Variants in B3GNT2 observed in about 807,000 individuals in gnomAD.
The protein encoded by B3GNT2 is N-acetyllactosaminide beta-1,3-N-acetylglucosaminyltransferase 2.
Under a neutral mutation model 27.6 loss-of-function variants are expected in B3GNT2, and 12 were observed. The ratio of observed to expected loss-of-function variants is 0.44; its 90% confidence interval spans 0.28 to 0.71. The LOEUF (loss-of-function observed/expected upper bound fraction) is 0.71, where lower values mean the gene tolerates loss of function less well. Ranked by LOEUF, B3GNT2 falls within the 30% of genes least tolerant of loss-of-function variation. The pLI, the probability that B3GNT2 is intolerant of heterozygous loss-of-function variation, is 0.17. For synonymous variants in B3GNT2, 192 were observed against 189.7 expected, an observed-to-expected ratio of 1.01 and a Z score of -0.10; for missense variants, 413 against 488.5, an observed-to-expected ratio of 0.85 and a Z score of 1.46.
chr2:62,207,075 T>C (rs941076743), intron 1 of B3GNT2, among the ~76,000 whole-genome samples: 7 of 152,244 alleles, frequency 4.6e-5, no homozygotes, highest in Non-Finnish European at 8.8e-5. Flanking sequence ...AGTTGCAGCA[T>C]GTTCAATGCT....
intron 1 of B3GNT2, among the ~76,000 whole-genome samples, chr2:62,196,932 G>A (rs1270268755): frequency 6.6e-6 from 1 of 151,914 alleles, no homozygotes; most frequent in Admixed American, 6.5e-5. Context: ...GCCGGCAGCC[G>A]CTCCCCACCC....
intron 1 of B3GNT2, among the ~76,000 whole-genome samples, chr2:62,208,200 C>G (rs1037771933): frequency 6.6e-6 from 1 of 151,312 alleles, no homozygotes; most frequent in Non-Finnish European, 1.5e-5. Flanking sequence ...ACAACAGATT[C>G]CTCCTTCCTT....
At chr2:62,198,964 G>C (rs1674210659) in intron 1 of B3GNT2, among the ~76,000 whole-genome samples, 3 of 151,062 alleles carry the variant, frequency 2.0e-5, no homozygotes, top group Admixed American at 6.6e-5. Flanking sequence ...TTTTTGAAAT[G>C]GAGTCTCACT....
chr2:62,222,109 CTT>C lies in B3GNT2; in HGVS notation c.-9-101_-9-100del, dbSNP rs751809982. The C allele has an allele frequency of 9.2e-5, 97 of 1,058,134 alleles. No homozygotes were observed. The highest frequency in any genetic ancestry group is 1.2e-4 in the Non-Finnish European group (91 of 739,040). 65.5% of individuals were successfully genotyped at this position (1,058,134 alleles called of 1,614,324 possible). ...AACCTAGGCAGTGCAAGTGTAGAGT[CTT>C]TGCTGTAAACCACTATTCCTGGGGA... On this transcript the variant is annotated intron_variant, in intron 1 of 1. Transcript: ENST00000301998. This position sits in a 1 kb window ranked among gnomAD's most constrained non-coding sequence, Gnocchi z 4.2.
intron 1 of B3GNT2, among the ~76,000 whole-genome samples, chr2:62,203,220 A>G (rs1335379598): frequency 1.3e-5 from 2 of 152,160 alleles, no homozygotes; most frequent in African/African-American, 4.8e-5. Context: ...GGATAGTACA[A>G]GATTGAAATA....
chr2:62,217,800 T>A (rs747123704), intron 1 of B3GNT2, among the ~76,000 whole-genome samples: 1 of 152,382 alleles, frequency 6.6e-6, no homozygotes, highest in Middle Eastern at 3.4e-3. Flanking sequence ...GTATTTTATC[T>A]AGATTGTCAC....
chr2:62,198,987 C>A (rs1162685909), intron 1 of B3GNT2, among the ~76,000 whole-genome samples: 1 of 152,090 alleles, frequency 6.6e-6, no homozygotes, highest in Non-Finnish European at 1.5e-5. Context: ...CCCGCCCAGG[C>A]TGGAGTGCAG....
chr2:62,221,268 A>G (rs775080111), intron 1 of B3GNT2, among the ~76,000 whole-genome samples: 1 of 152,220 alleles, frequency 6.6e-6, no homozygotes, highest in Non-Finnish European at 1.5e-5. Flanking sequence ...GAGGGGATAT[A>G]CCATTGTATG....
At chr2:62,203,161 T>A (rs1369435558) in intron 1 of B3GNT2, among the ~76,000 whole-genome samples, 1 of 152,174 alleles carries the variant, frequency 6.6e-6, no homozygotes, top group Non-Finnish European at 1.5e-5. Flanking sequence ...GGCCACTTCA[T>A]TAAAGTTAGT....
intron 1 of B3GNT2, among the ~76,000 whole-genome samples, chr2:62,197,001 A>C (rs960154777): frequency 6.6e-6 from 1 of 151,324 alleles, no homozygotes; most frequent in Admixed American, 6.6e-5. Context: ...TTTCTGCCAA[A>C]CTTAGGGAAA....
At chr2:62,209,433 T>A (rs1674439441) in intron 1 of B3GNT2, among the ~76,000 whole-genome samples, 1 of 152,094 alleles carries the variant, frequency 6.6e-6, no homozygotes, top group African/African-American at 2.4e-5. Context: ...GTAATGAAAT[T>A]GGGTCACAAT....
In B3GNT2 at chr2:62,222,937, G is replaced by C; in HGVS notation, c.717G>C (p.Glu239Asp). 6.2e-7 allele frequency: 1 copy of C among 1,614,184 alleles called. No individual in the cohort carries two copies. Among genetic ancestry groups the C allele is most frequent in the Non-Finnish European group, 8.5e-7 (1 of 1,180,028 alleles). Reference protein sequence around the residue: ...RWVSTSCPDTEFVFKGDDDVF... With the variant: ...RWVSTSCPDTDFVFKGDDDVF... ...TAAGTACTTCCTGCCCAGACACTGA[G>C]TTTGTTTTCAAGGGCGATGACGATG... is the stretch of plus-strand genomic sequence containing the variant. The change falls in exon 2 of 2, where the codon GAG becomes GAC. Residue 239 changes from glutamate to aspartate, a missense_variant. Glu to Asp is a conservative substitution (Grantham distance 45). Coordinates refer to ENST00000301998, the MANE Select transcript of B3GNT2 (RefSeq NM_006577.6). This position sits in a 1 kb window ranked among gnomAD's most constrained non-coding sequence, Gnocchi z 4.2.
At chr2:62,208,669 T>C (rs998597421) in intron 1 of B3GNT2, among the ~76,000 whole-genome samples, 27 of 152,132 alleles carry the variant, frequency 1.8e-4, no homozygotes, top group African/African-American at 5.3e-4. Flanking sequence ...TATCCAAGAA[T>C]GGTTTGCTAG....
intron 1 of B3GNT2, among the ~76,000 whole-genome samples, chr2:62,213,865 C>T (rs1209877228): frequency 1.3e-5 from 2 of 152,166 alleles, no homozygotes; most frequent in East Asian, 3.9e-4. Flanking sequence ...TTCTACTGAA[C>T]ACTGTGTTCA....
chr2:62,218,878 C>A (rs1674626233), intron 1 of B3GNT2, among the ~76,000 whole-genome samples: 1 of 152,154 alleles, frequency 6.6e-6, no homozygotes, highest in Non-Finnish European at 1.5e-5. Context: ...GTGTCTTGAG[C>A]CAAGGTGATG....
chr2:62,215,987 C>A (rs1312556026), intron 1 of B3GNT2, among the ~76,000 whole-genome samples: 1 of 152,196 alleles, frequency 6.6e-6, no homozygotes, highest in African/African-American at 2.4e-5. Flanking sequence ...TTGGGTCTGG[C>A]TTGTACGTAT....
intron 1 of B3GNT2, among the ~76,000 whole-genome samples, chr2:62,213,018 C>T (rs189255512): frequency 5.9e-5 from 9 of 152,310 alleles, no homozygotes; most frequent in Non-Finnish European, 1.3e-4. Context: ...ATTTACCAAG[C>T]CACGTACAAG....
At chr2:62,198,334 A>T (rs1396535475) in intron 1 of B3GNT2, among the ~76,000 whole-genome samples, 1 of 152,194 alleles carries the variant, frequency 6.6e-6, no homozygotes, top group Admixed American at 6.5e-5. Flanking sequence ...TTGCTCTGCA[A>T]GATTATTTCT....
rs571295337 is a variant in B3GNT2, at chr2:62,224,095, T to C, written c.*681T>C. ...GGGTTTAATTTTTCTTGTATTTGGT[T>C]TCCTGGTGGTATCATAGTGTAATTT... is the stretch of plus-strand genomic sequence containing the variant. On this transcript the variant is annotated 3_prime_UTR_variant, in exon 2 of 2. Transcript: ENST00000301998. 1.3e-4 allele frequency: 22 copies of C among 167,222 alleles called. No homozygotes were observed. The highest frequency in any genetic ancestry group is 5.3e-4 in the African/African-American group (22 of 41,590). The allele number at this position is 167,222 out of a possible 1,614,324, so 10.4% of individuals were successfully genotyped here.
Sources: gnomAD v4.1 joint callset for allele counts (sites outside exome capture counted in the v4.1 genomes callset) on GRCh38, gnomAD v4.1.1 for gene constraint, Gnocchi (gnomAD v3.1) non-coding constraint, MANE v1.5 for transcripts, NCBI Gene and HGNC (gene_info 2026-07-23, HGNC 2026-07-21) for gene names.